The following PCDHA7 variants were observed in gnomAD, a reference collection of about 807,000 sequenced individuals.
PCDHA7 encodes protocadherin alpha 7, also known as protocadherin alpha-7.
In PCDHA7, 37 loss-of-function variants were observed where a neutral mutation model predicts 57.2. The observed-to-expected ratio is 0.65, with a 90% confidence interval of 0.50 to 0.85. The LOEUF (loss-of-function observed/expected upper bound fraction) is 0.85. Among genes scored for constraint, PCDHA7 ranks in the 40% least tolerant of loss-of-function variants. The pLI, the probability that PCDHA7 is intolerant of heterozygous loss-of-function variation, is 0.00. For synonymous variants in PCDHA7, 553 were observed against 558.8 expected (o/e 0.99, Z 0.15); for missense variants, 1,188 against 1,241.8 (o/e 0.96, Z 0.65).
chr5:140,927,357 C>A, intron 1 of PCDHA7: 1 of 1,614,052 alleles, frequency 6.2e-7, no homozygotes, highest in South Asian at 1.1e-5. Context: ...ACGAGGGAAG[C>A]AATGGGATAC....
At chr5:140,855,274 C>T (rs1395531351) in intron 1 of PCDHA7, among the ~76,000 whole-genome samples, 1 of 149,676 alleles carries the variant, frequency 6.7e-6, no homozygotes, top group Non-Finnish European at 1.5e-5. Flanking sequence ...TTCACTCAAC[C>T]ACCGTATTAC....
chr5:140,847,462 G>A (rs2150400776), intron 1 of PCDHA7: 2 of 149,808 alleles, frequency 1.3e-5, no homozygotes, highest in African/African-American at 2.4e-5. Context: ...TTAATTAATC[G>A]ACTTGGACGT....
intron 3 of PCDHA7, among the ~76,000 whole-genome samples, chr5:141,002,682 G>T (rs536105955): frequency 6.6e-6 from 1 of 152,140 alleles, no homozygotes; most frequent in Non-Finnish European, 1.5e-5. Flanking sequence ...CCTATACGAC[G>T]TGCAGATTTG....
At chr5:140,966,626 C>T in intron 1 of PCDHA7, 9 of 925,184 alleles carry the variant, frequency 9.7e-6, no homozygotes, top group South Asian at 9.6e-5. Flanking sequence ...GAGGGAGCGG[C>T]CCCAGGCGCT....
intron 1 of PCDHA7, chr5:140,969,231 C>A (rs782084659): frequency 6.2e-7 from 1 of 1,614,110 alleles, no homozygotes; most frequent in Non-Finnish European, 8.5e-7. Context: ...CCTTCGGGAG[C>A]CCAAGCAGCA....
chr5:140,947,778 G>A (rs2094175732), intron 1 of PCDHA7, among the ~76,000 whole-genome samples: 2 of 151,456 alleles, frequency 1.3e-5, no homozygotes, highest in South Asian at 4.1e-4. Context: ...TATTGTAAAT[G>A]GATTTTAAAC....
intron 1 of PCDHA7, among the ~76,000 whole-genome samples, chr5:140,974,029 A>G (rs2096612369): frequency 6.6e-6 from 1 of 152,238 alleles, no homozygotes; most frequent in Admixed American, 6.5e-5. Flanking sequence ...ACAACTATAA[A>G]TTTAGCTTAT....
intron 1 of PCDHA7, among the ~76,000 whole-genome samples, chr5:140,947,906 A>G (rs2153681662): frequency 6.6e-6 from 1 of 151,710 alleles, no homozygotes; most frequent in South Asian, 2.1e-4. Flanking sequence ...GTGAGAGCAG[A>G]CATTCTTGCC....
In PCDHA7 at chr5:140,922,940, G is replaced by A. The variant is rs138846807; in HGVS notation, c.2356-56009G>A. 4.7e-3 allele frequency among the ~76,000 whole-genome samples: 717 copies of A among 152,280 alleles called. 4 individuals carry two copies. Among genetic ancestry groups the A allele is most frequent in the Middle Eastern group, 0.021 (6 of 292 alleles). On this transcript the variant is annotated intron_variant, in intron 1 of 3. Coordinates refer to ENST00000525929, the MANE Select transcript of PCDHA7 (RefSeq NM_018910.3). Reference sequence around the variant, plus strand: ...ACTTCAGACTTTTACTTCCAGCAATGGAAATCCAGTTTGTCTTCAGCCAGT... The same window carrying A: ...ACTTCAGACTTTTACTTCCAGCAATAGAAATCCAGTTTGTCTTCAGCCAGT...
chr5:140,835,543 G>A lies in PCDHA7; in HGVS notation c.1160G>A (p.Cys387Tyr), dbSNP rs2150237824. Residue 387 changes from cysteine (C) to tyrosine (Y), a missense_variant, in exon 1 of 4, where the codon TGC becomes TAC. By Grantham distance (194) the Cys-to-Tyr change is radical. Around this residue, in one of 3 missense-constraint regions of PCDHA7, gnomAD observed 892 missense variants for 788.5 expected, o/e 1.13. Transcript: ENST00000525929. Reference protein sequence around the residue: ...RDFGVNGQVTCSLTPRVPFKL... With the variant: ...RDFGVNGQVTYSLTPRVPFKL... ...TTTGGAGTCAACGGACAGGTTACCT[G>A]CTCCCTGACGCCCCGCGTTCCCTTC... is the stretch of plus-strand genomic sequence containing the variant. The A allele has an allele frequency of 6.2e-7, 1 of 1,613,934 alleles. No homozygotes were observed. The highest frequency in any genetic ancestry group is 1.3e-5 in the African/African-American group (1 of 75,058).
chr5:140,837,608 A>G (rs1775145322), intron 1 of PCDHA7, among the ~76,000 whole-genome samples: 1 of 151,396 alleles, frequency 6.6e-6, no homozygotes. Flanking sequence ...TATATTTTAT[A>G]ATTTGCCCCT....
chr5:140,966,586 TG>T (rs1297938804), intron 1 of PCDHA7: 39 of 548,908 alleles, frequency 7.1e-5, no homozygotes, highest in Non-Finnish European at 1.1e-4. Flanking sequence ...GCGAGGACGG[TG>T]GGGCCAGGAG....
chr5:140,902,114 A>G (rs2069112413), intron 1 of PCDHA7, among the ~76,000 whole-genome samples: 1 of 151,286 alleles, frequency 6.6e-6, no homozygotes. Flanking sequence ...TTTTTTTAAA[A>G]CTGAGATTAT....
chr5:140,869,766 G>A (rs782388204), intron 1 of PCDHA7: 2 of 1,613,210 alleles, frequency 1.2e-6, no homozygotes, highest in Non-Finnish European at 1.7e-6. Flanking sequence ...GAAAACCAGA[G>A]CTTACTGGCA....
At chr5:140,896,450 C>G (rs1009231622) in intron 1 of PCDHA7, among the ~76,000 whole-genome samples, 5 of 152,092 alleles carry the variant, frequency 3.3e-5, no homozygotes, top group Admixed American at 1.3e-4. Flanking sequence ...GCAACCTCCA[C>G]CTCCTGGGTT....
intron 1 of PCDHA7, chr5:140,927,485 C>T: frequency 6.2e-7 from 1 of 1,614,098 alleles, no homozygotes; most frequent in Non-Finnish European, 8.5e-7. Context: ...CAGCGCGCCA[C>T]CCACCTGCTG....
rs1554151138 is a variant in PCDHA7, at chr5:140,858,086, C to A, written c.2355+21348C>A. The A allele has an allele frequency of 2.5e-6, 4 of 1,597,802 alleles. 1 individual carries two copies. Among genetic ancestry groups the A allele is most frequent in the Non-Finnish European group, 2.6e-6 (3 of 1,167,670 alleles). On this transcript the variant is annotated intron_variant, in intron 1 of 3. Transcript: ENST00000525929. The stretch of plus-strand genomic sequence containing the variant: ...CAGCCAGGCACCCAAGGCCTCGTCG[C>A]GGGCTTCAGTGGGCGTGGCGCCCGA...
At chr5:140,871,405 C>T (rs1554165555) in intron 1 of PCDHA7, 10 of 1,614,106 alleles carry the variant, frequency 6.2e-6, no homozygotes, top group Non-Finnish European at 7.6e-6. Flanking sequence ...TAAGACGGAC[C>T]TCATGGCCTT....
At chr5:140,873,283 A>G (rs1554166657) in intron 1 of PCDHA7, among the ~76,000 whole-genome samples, 1 of 152,258 alleles carries the variant, frequency 6.6e-6, no homozygotes, top group Non-Finnish European at 1.5e-5. Flanking sequence ...CATACCACTT[A>G]TGAAACTTTA....
Sources: allele counts gnomAD v4.1 joint callset (sites outside exome capture counted in the v4.1 genomes callset), GRCh38; gene constraint gnomAD v4.1.1; regional missense constraint gnomAD v4.1.1; transcripts MANE v1.5; gene names NCBI Gene and HGNC (gene_info 2026-07-23, HGNC 2026-07-21).